Variants in KCNMA1 observed in about 807,000 individuals in gnomAD.
KCNMA1 encodes Calcium-activated potassium channel subunit alpha-1.
Under a neutral mutation model 140.0 loss-of-function variants are expected in KCNMA1, and 29 were observed. The observed-to-expected ratio is 0.21, with a 90% CI of 0.15 to 0.28. KCNMA1 has a LOEUF of 0.28. Ranked by LOEUF, KCNMA1 falls within the 10% of genes least tolerant of loss-of-function variation. KCNMA1 has a pLI of 1.00. For synonymous variants in KCNMA1, 612 were observed against 611.9 expected, an observed-to-expected ratio of 1.00 and a Z score of 0.00; for missense variants, 880 against 1,602.2, an observed-to-expected ratio of 0.55 and a Z score of 7.70.
At chr10:77,264,602 ACAGTTTTAAGAGCTTTGACATAGTTAT>A (rs1340785247) in intron 2 of KCNMA1, among the ~76,000 whole-genome samples, 1 of 152,060 alleles carries the variant, frequency 6.6e-6, no homozygotes, top group Non-Finnish European at 1.5e-5. Flanking sequence ...CTTTCATTGC[ACAGTTTTAAGAGCTTTGACATAGTTAT>A]CAGGAAGAAA....
chr10:77,172,961 C>G (rs1299395730), intron 5 of KCNMA1, among the ~76,000 whole-genome samples: 1 of 152,064 alleles, frequency 6.6e-6, no homozygotes, highest in South Asian at 2.1e-4. Flanking sequence ...ATAAGGGCAC[C>G]AATACCATTC....
At chr10:76,980,161 G>A (rs1008549791) in intron 19 of KCNMA1, 1 of 152,226 alleles carries the variant, frequency 6.6e-6, no homozygotes, top group Non-Finnish European at 1.5e-5. Context: ...GCTTGGGGAT[G>A]CTCTGGCCTC....
intron 1 of KCNMA1, among the ~76,000 whole-genome samples, chr10:77,413,829 G>C (rs2096673787): frequency 6.6e-6 from 1 of 152,122 alleles, no homozygotes; most frequent in South Asian, 2.1e-4. Context: ...GTACCTTTAG[G>C]GAAGGGACAC....
chr10:77,462,437 A>G (rs2097895593), intron 1 of KCNMA1, among the ~76,000 whole-genome samples: 1 of 152,236 alleles, frequency 6.6e-6, no homozygotes, highest in Non-Finnish European at 1.5e-5. Context: ...AAATAGACAT[A>G]TAAATACACA....
chr10:77,333,225 C>T (rs2087225520), intron 2 of KCNMA1, among the ~76,000 whole-genome samples: 1 of 151,608 alleles, frequency 6.6e-6, no homozygotes, highest in African/African-American at 2.4e-5. Context: ...ATTTTTGGAC[C>T]AAATGGGTGA....
At chr10:76,975,590 A>T (rs1008479903) in intron 19 of KCNMA1, among the ~76,000 whole-genome samples, 1 of 152,194 alleles carries the variant, frequency 6.6e-6, no homozygotes, top group African/African-American at 2.4e-5. Context: ...CTGAGCTATT[A>T]AGCACAGCTA....
chr10:77,064,204 C>G (rs188326153), intron 14 of KCNMA1: 435 of 745,910 alleles, frequency 5.8e-4, no homozygotes, highest in Non-Finnish European at 6.7e-4. Flanking sequence ...TCTAAGTTTG[C>G]TTTACCTTTA....
At chr10:77,513,155 C>G (rs770423555) in intron 1 of KCNMA1, among the ~76,000 whole-genome samples, 2 of 151,198 alleles carry the variant, frequency 1.3e-5, no homozygotes, top group Non-Finnish European at 2.9e-5. Flanking sequence ...CACCTCATGC[C>G]CTAAACTCCA....
intron 23 of KCNMA1, among the ~76,000 whole-genome samples, 153 bp from the exon 24 acceptor site, chr10:76,915,202 T>G (rs1564880067): frequency 6.6e-6 from 1 of 152,210 alleles, no homozygotes. Context: ...CTCTGATGAT[T>G]AATTCTTTAG....
At chr10:77,066,237 G>C (rs1292437419) in intron 14 of KCNMA1, among the ~76,000 whole-genome samples, 1 of 152,198 alleles carries the variant, frequency 6.6e-6, no homozygotes, top group East Asian at 1.9e-4. Context: ...TATTCTAGGA[G>C]AGACATGATG....
chr10:77,438,943 G>A (rs1566855055), intron 1 of KCNMA1, among the ~76,000 whole-genome samples: 1 of 152,124 alleles, frequency 6.6e-6, no homozygotes, highest in East Asian at 1.9e-4. Context: ...CGGGGTGATG[G>A]TGCATGCCTG....
At chr10:77,234,996 C>T (rs579143) in intron 3 of KCNMA1, among the ~76,000 whole-genome samples, 54,499 of 152,102 alleles carry the variant, frequency 0.36, 10,301 homozygotes, top group East Asian at 0.56. Context: ...CACTGTTCTC[C>T]TTATGAGCCA....
chr10:77,560,105 C>A (rs939157550), intron 1 of KCNMA1, among the ~76,000 whole-genome samples: 1 of 152,118 alleles, frequency 6.6e-6, no homozygotes, highest in Admixed American at 6.5e-5. Flanking sequence ...ATTACTTGAA[C>A]CCTGGAGGTG....
intron 25 of KCNMA1, chr10:76,902,482 A>G (rs928509490): frequency 1.3e-5 from 2 of 152,216 alleles, no homozygotes; most frequent in South Asian, 4.1e-4. Context: ...AGACCTTCTC[A>G]ATATCTATCC....
chr10:77,082,007 C>CTTT lies in KCNMA1; in HGVS notation c.1524-2460_1524-2458dup, dbSNP rs201288668. ...GACCAGTAATTTCTTTTTTTCTTTT[C>CTTT]TTTTTTTTTTTTTTTTTTTTTTTTT... On this transcript the variant is annotated intron_variant, in intron 12 of 27. Transcript: ENST00000286628. Among the ~76,000 whole-genome samples the CTTT allele has an allele frequency of 9.3e-3, 300 of 32,336 alleles. 1 individual carries two copies. Among genetic ancestry groups the CTTT allele is most frequent in the Non-Finnish European group, 0.011 (202 of 18,382 alleles). The allele number at this position is 32,336 out of a possible 152,430, so 21.2% of individuals were successfully genotyped here. A position where few individuals can be genotyped will look rare whatever the true frequency, so the allele number is the denominator to read the frequency against.
At chr10:77,094,991 C>T (rs1288346851) in intron 9 of KCNMA1, among the ~76,000 whole-genome samples, 4 of 151,872 alleles carry the variant, frequency 2.6e-5, no homozygotes, top group Admixed American at 6.6e-5. Flanking sequence ...TGAGCCACCG[C>T]GCCCTACCCC....
intron 6 of KCNMA1, among the ~76,000 whole-genome samples, chr10:77,115,344 A>G (rs1004937274): frequency 3.9e-5 from 6 of 152,184 alleles, no homozygotes; most frequent in Admixed American, 3.9e-4. Flanking sequence ...ATATTTATTG[A>G]GCCCTTATTA....
intron 1 of KCNMA1, among the ~76,000 whole-genome samples, chr10:77,620,532 G>C (rs2154569526): frequency 6.6e-6 from 1 of 152,326 alleles, no homozygotes; most frequent in South Asian, 2.1e-4. Flanking sequence ...CTCATGCTTA[G>C]AACAGGCACA....
chr10:77,605,144 C>T lies in KCNMA1; in HGVS notation c.378+32121G>A, dbSNP rs575319095. ...AGAGGGACATCCCTCCCAAGGACCGCGCCCAGCCGCAGCCCAGGGGCACAT... is the reference window on the plus strand; with the variant it reads ...AGAGGGACATCCCTCCCAAGGACCGTGCCCAGCCGCAGCCCAGGGGCACAT... On this transcript the variant is annotated intron_variant, in intron 1 of 27. Transcript: ENST00000286628. Among the ~76,000 whole-genome samples the T allele has an allele frequency of 5.3e-5, 8 of 152,374 alleles. No homozygotes were observed. In the Middle Eastern group the frequency reaches 0.01, roughly 194 times the overall value.
Sources: gnomAD v4.1 joint callset for allele counts (sites outside exome capture counted in the v4.1 genomes callset) on GRCh38, gnomAD v4.1.1 for gene constraint, MANE v1.5 for transcripts, NCBI Gene and HGNC (gene_info 2026-07-23, HGNC 2026-07-21) for gene names.